RGS7: variants seen among roughly 807,000 people sequenced by gnomAD.
RGS7 encodes regulator of G protein signaling 7.
A neutral mutation model predicts 81.1 loss-of-function variants in RGS7; 27 were observed. The ratio of observed to expected loss-of-function variants is 0.33; its 90% CI spans 0.25 to 0.46. The LOEUF (loss-of-function observed/expected upper bound fraction) is 0.46. RGS7 is among the 20% of genes least tolerant of loss of function. The pLI, the probability that RGS7 is intolerant of heterozygous loss-of-function variation, is 1.00. For synonymous variants in RGS7, 208 were observed against 207.7 expected, an observed-to-expected ratio of 1.00 and a Z score of -0.01; for missense variants, 396 against 607.4, an observed-to-expected ratio of 0.65 and a Z score of 3.66.
chr1:241,277,495 T>C (rs925316599), intron 2 of RGS7, among the ~76,000 whole-genome samples: 3 of 151,944 alleles, frequency 2.0e-5, no homozygotes, highest in Non-Finnish European at 4.4e-5. Context: ...GATGGGCGCC[T>C]GTAGTCCCAG....
intron 2 of RGS7, among the ~76,000 whole-genome samples, chr1:241,223,710 CA>C (rs60885152): frequency 0.47 from 63,684 of 134,882 alleles, 13,455 homozygotes; most frequent in East Asian, 0.61. Flanking sequence ...TTAGACATTG[CA>C]AAAAAAAAAA....
At chr1:241,299,899 C>T (rs2079633704) in intron 2 of RGS7, among the ~76,000 whole-genome samples, 1 of 120,082 alleles carries the variant, frequency 8.3e-6, no homozygotes, top group Non-Finnish European at 1.6e-5. Context: ...TGCTTGAGTC[C>T]AGGAGCCTAG....
chr1:241,214,811 C>T (rs2074453938), intron 2 of RGS7, among the ~76,000 whole-genome samples: 1 of 151,858 alleles, frequency 6.6e-6, no homozygotes, highest in Non-Finnish European at 1.5e-5. Context: ...TTTTTTAAAG[C>T]TTCATCTATT....
chr1:241,142,672 C>T (rs1416398523), intron 2 of RGS7, among the ~76,000 whole-genome samples: 1 of 152,200 alleles, frequency 6.6e-6, no homozygotes, highest in Non-Finnish European at 1.5e-5. Flanking sequence ...TCCTAGGCCT[C>T]CAGGCCTGTG....
At chr1:241,214,871 T>C (rs980455609) in intron 2 of RGS7, among the ~76,000 whole-genome samples, 3 of 152,144 alleles carry the variant, frequency 2.0e-5, no homozygotes, top group Non-Finnish European at 4.4e-5. Flanking sequence ...AAATTTTTCT[T>C]ATTTTTCTTG....
At chr1:241,298,821 C>T (rs112016598) in intron 2 of RGS7, among the ~76,000 whole-genome samples, 9 of 152,328 alleles carry the variant, frequency 5.9e-5, no homozygotes, top group African/African-American at 1.9e-4. Flanking sequence ...GTAAAGTCAA[C>T]GCTCTTCCAG....
intron 2 of RGS7, among the ~76,000 whole-genome samples, chr1:241,185,990 T>G (rs889134244): frequency 2.6e-5 from 4 of 152,104 alleles, no homozygotes; most frequent in African/African-American, 7.2e-5. Flanking sequence ...ATCAGTAAAA[T>G]TGAAAGCAAG....
intron 9 of RGS7, among the ~76,000 whole-genome samples, chr1:240,852,748 T>C (rs567355184): frequency 7.9e-5 from 12 of 152,166 alleles, no homozygotes; most frequent in African/African-American, 2.6e-4. Context: ...CAATCAAAGG[T>C]AAGTAAGAGC....
intron 3 of RGS7, among the ~76,000 whole-genome samples, chr1:241,043,208 T>C (rs958002624): frequency 6.6e-6 from 1 of 152,138 alleles, no homozygotes; most frequent in African/African-American, 2.4e-5. Flanking sequence ...TCTGAATCTT[T>C]GAATATTTAT....
At chr1:240,825,248 A>G (rs112586919) in intron 10 of RGS7, among the ~76,000 whole-genome samples, 5,955 of 152,294 alleles carry the variant, frequency 0.039, 134 homozygotes, top group African/African-American at 0.054. Context: ...CATAGAGTAC[A>G]GACTCCTTAA....
intron 9 of RGS7, among the ~76,000 whole-genome samples, chr1:240,850,367 G>A (rs1026985036): frequency 5.3e-5 from 8 of 152,148 alleles, no homozygotes; most frequent in Non-Finnish European, 8.8e-5. Context: ...GGTGACCTGT[G>A]ATCAGTGATG....
intron 2 of RGS7, among the ~76,000 whole-genome samples, chr1:241,212,958 T>C (rs2074332419): frequency 6.6e-6 from 1 of 152,180 alleles, no homozygotes; most frequent in African/African-American, 2.4e-5. Flanking sequence ...GGACTGATCC[T>C]TTACATCAAT....
At chr1:241,136,848 T>C (rs185282430) in intron 2 of RGS7, among the ~76,000 whole-genome samples, 1 of 152,212 alleles carries the variant, frequency 6.6e-6, no homozygotes, top group African/African-American at 2.4e-5. Flanking sequence ...CCCCTTCCTT[T>C]GCATTAAAAA....
chr1:241,090,738 T>C (rs1159672667), intron 3 of RGS7, among the ~76,000 whole-genome samples: 1 of 152,172 alleles, frequency 6.6e-6, no homozygotes, highest in Non-Finnish European at 1.5e-5. Flanking sequence ...TCAGATATAA[T>C]CTCCAAATTT....
intron 3 of RGS7, among the ~76,000 whole-genome samples, chr1:240,988,867 T>C (rs910546944): frequency 3.3e-5 from 5 of 152,212 alleles, no homozygotes; most frequent in African/African-American, 4.8e-5. Context: ...TTCCAGGAAC[T>C]GGCTGGGCAC....
intron 2 of RGS7, among the ~76,000 whole-genome samples, chr1:241,202,734 C>G (rs1002768403): frequency 2.0e-5 from 3 of 152,060 alleles, no homozygotes; most frequent in African/African-American, 4.8e-5. Context: ...AAGTTCTTTA[C>G]GGCTAGTTTT....
chr1:240,943,629 T>C (rs1169247823), intron 4 of RGS7, among the ~76,000 whole-genome samples: 1 of 152,176 alleles, frequency 6.6e-6, no homozygotes, highest in Non-Finnish European at 1.5e-5. Context: ...CCAGAGTGTT[T>C]TGTGGGCTGA....
At chr1:241,161,622 A>G (rs558332464) in intron 2 of RGS7, among the ~76,000 whole-genome samples, 3 of 150,656 alleles carry the variant, frequency 2.0e-5, no homozygotes, top group African/African-American at 7.3e-5. Flanking sequence ...ATTCAATTTA[A>G]TTCTCATTTC....
intron 6 of RGS7, among the ~76,000 whole-genome samples, chr1:240,929,995 C>A (rs1675128620): frequency 6.6e-6 from 1 of 152,200 alleles, no homozygotes; most frequent in African/African-American, 2.4e-5. Context: ...TCTTCTACTG[C>A]ACTGGCATAG....
Sources: allele counts gnomAD v4.1 joint callset (sites outside exome capture counted in the v4.1 genomes callset), GRCh38; gene constraint gnomAD v4.1.1; transcripts MANE v1.5; gene names NCBI Gene and HGNC (gene_info 2026-07-23, HGNC 2026-07-21).